The following TRIM9 variants were observed in gnomAD, a reference collection of about 807,000 sequenced individuals.
TRIM9 encodes the protein tripartite motif containing 9.
TRIM9 carries 26 observed loss-of-function variants against 78.3 expected under a neutral mutation model. That is an observed-to-expected ratio of 0.33 (90% CI 0.24 to 0.46). The LOEUF (loss-of-function observed/expected upper bound fraction) is 0.46. Among genes scored for constraint, TRIM9 ranks in the 20% least tolerant of loss-of-function variants. The pLI is 1.00. For missense variants in TRIM9, 787 were observed against 1,036.4 expected (o/e 0.76, Z 3.30); for synonymous variants, 398 against 416.5 (o/e 0.96, Z 0.54).
chr14:51,057,752 T>A lies in TRIM9; in HGVS notation c.823-32392A>T, dbSNP rs1431425045. ...TAATCTGAATGTATTCATCTTTCTC[T>A]AGTAATGTAGCCTATTGACTAGAAA... On this transcript the variant is annotated intron_variant, in intron 1 of 12. Coordinates refer to ENST00000684578, the MANE Select transcript of TRIM9 (RefSeq NM_001387360.1). Among the ~76,000 whole-genome samples, 3 of 152,226 alleles carry A rather than the reference T, an allele frequency of 2.0e-5. No homozygotes were observed. In the East Asian group the frequency reaches 5.8e-4, roughly 29 times the overall value.
intron 1 of TRIM9, chr14:51,090,064 A>ATC (rs1442580435): frequency 6.6e-6 from 1 of 152,242 alleles, no homozygotes; most frequent in Non-Finnish European, 1.5e-5. Flanking sequence ...TATAACCTGG[A>ATC]TCTCCTGTTA....
At chr14:51,040,300 C>T (rs1172091095) in intron 1 of TRIM9, among the ~76,000 whole-genome samples, 2 of 152,128 alleles carry the variant, frequency 1.3e-5, no homozygotes, top group Admixed American at 6.5e-5. Context: ...GCTGGTGCCC[C>T]TCACTCAGAG....
intron 8 of TRIM9, 150 bp downstream of exon 8, chr14:50,985,806 C>G: frequency 1.5e-6 from 1 of 651,274 alleles, no homozygotes; most frequent in East Asian, 3.3e-5. Context: ...GCTCCACCAT[C>G]CCGATGCTCC....
chr14:51,060,492 A>C (rs2061258308), intron 1 of TRIM9, among the ~76,000 whole-genome samples: 1 of 151,870 alleles, frequency 6.6e-6, no homozygotes, highest in African/African-American at 2.4e-5. Context: ...TCTGAGACAG[A>C]ATCTTGCTCT....
At chr14:50,979,613 T>C (rs61985021) in intron 11 of TRIM9, 64 bp from the exon 12 acceptor site, 1 of 1,403,046 alleles carries the variant, frequency 7.1e-7, no homozygotes, top group South Asian at 1.2e-5. Flanking sequence ...TCCCCCCTTT[T>C]GTGTGGTGAA....
intron 5 of TRIM9, among the ~76,000 whole-genome samples, chr14:51,008,544 C>T (rs1420602182): frequency 6.6e-6 from 1 of 152,120 alleles, no homozygotes; most frequent in Non-Finnish European, 1.5e-5. Flanking sequence ...TCAAAGAGAC[C>T]TTGCCATATC....
intron 5 of TRIM9, among the ~76,000 whole-genome samples, chr14:51,004,348 A>G (rs2055480505): frequency 6.6e-6 from 1 of 152,224 alleles, no homozygotes; most frequent in Non-Finnish European, 1.5e-5. Context: ...TAAATTTTCC[A>G]GTAGCAGCTT....
intron 7 of TRIM9, among the ~76,000 whole-genome samples, chr14:50,986,941 A>G (rs1285770935): frequency 1.3e-5 from 2 of 152,236 alleles, no homozygotes; most frequent in Non-Finnish European, 2.9e-5. Flanking sequence ...CTTAACAATT[A>G]TTTGATCTGG....
intron 1 of TRIM9, among the ~76,000 whole-genome samples, chr14:51,039,809 C>T (rs1015134630): frequency 7.9e-5 from 12 of 151,654 alleles, no homozygotes; most frequent in Admixed American, 3.9e-4. Context: ...TGCAGTGGCG[C>T]GATCTCAGCT....
intron 1 of TRIM9, among the ~76,000 whole-genome samples, chr14:51,071,313 T>C (rs1317754330): frequency 6.9e-6 from 1 of 144,026 alleles, no homozygotes; most frequent in Non-Finnish European, 1.5e-5. Flanking sequence ...GAGGTGGAGG[T>C]TGTGCTGAGC....
At chr14:51,077,289 T>G (rs571089354) in intron 1 of TRIM9, among the ~76,000 whole-genome samples, 1 of 151,526 alleles carries the variant, frequency 6.6e-6, no homozygotes, top group South Asian at 2.1e-4. Context: ...ACAGTATAGG[T>G]GACACAGTGG....
intron 1 of TRIM9, among the ~76,000 whole-genome samples, chr14:51,077,129 T>G (rs891482407): frequency 2.6e-5 from 4 of 152,216 alleles, no homozygotes; most frequent in Non-Finnish European, 4.4e-5. Context: ...TTGTGCATCT[T>G]GGGTTCTCCT....
chr14:51,026,697 C>T (rs2058260578), intron 1 of TRIM9, among the ~76,000 whole-genome samples: 1 of 152,154 alleles, frequency 6.6e-6, no homozygotes, highest in African/African-American at 2.4e-5. Context: ...CACTGACTCT[C>T]TAAAAATATG....
chr14:50,996,560 G>A, intron 7 of TRIM9: 4 of 985,408 alleles, frequency 4.1e-6, no homozygotes, highest in Non-Finnish European at 2.4e-6. Context: ...TCTCTGCTCT[G>A]CAGGCATGCA....
chr14:50,979,342 C>T (rs368392804), intron 12 of TRIM9, 45 bp downstream of exon 12: 99 of 1,614,000 alleles, frequency 6.1e-5, no homozygotes, highest in Admixed American at 1.5e-4. Flanking sequence ...GCCTTTGAAC[C>T]GGTAGCCAGC....
intron 1 of TRIM9, among the ~76,000 whole-genome samples, chr14:51,044,548 G>A (rs890469804): frequency 2.0e-5 from 3 of 152,140 alleles, no homozygotes; most frequent in Non-Finnish European, 2.9e-5. Context: ...TCTGAGTCAT[G>A]GCCTTAACGA....
At chr14:50,977,571 A>G (rs1363938649) in intron 12 of TRIM9, among the ~76,000 whole-genome samples, 1 of 152,162 alleles carries the variant, frequency 6.6e-6, no homozygotes, top group Non-Finnish European at 1.5e-5. Flanking sequence ...ATTTGATTAT[A>G]TGGTTCTTAG....
At chr14:50,990,993 T>C (rs1262863892) in intron 7 of TRIM9, among the ~76,000 whole-genome samples, 2 of 152,190 alleles carry the variant, frequency 1.3e-5, no homozygotes, top group South Asian at 2.1e-4. Flanking sequence ...ATTTTAAGCT[T>C]TGTTAAGTGT....
Position 51,025,324 on chromosome 14 carries a change from T to A in TRIM9, c.859A>T (p.Arg287Trp). ...AGAAACTCCTTGGCTTCTTTGGCCC[T>A]GTCTGACAGTCCGTTCAGCGCCTGG... ...LSQALNGLSD[R>W]AKEAKEFLVQ... Residue 287 changes from arginine (R) to tryptophan (W), a missense_variant, in exon 2 of 13, where the codon AGG becomes TGG. Around this residue, in one of 3 missense-constraint regions of TRIM9, gnomAD observed 352 missense variants for 472.3 expected, o/e 0.75. Transcript: ENST00000684578. 1 of 1,614,238 alleles carries A rather than the reference T, an allele frequency of 6.2e-7. No individual in the cohort carries two copies. The highest frequency in any genetic ancestry group is 8.5e-7 in the Non-Finnish European group (1 of 1,180,038).
Sources: allele counts gnomAD v4.1 joint callset (sites outside exome capture counted in the v4.1 genomes callset), GRCh38; gene constraint gnomAD v4.1.1; regional missense constraint gnomAD v4.1.1; transcripts MANE v1.5; gene names NCBI Gene and HGNC (gene_info 2026-07-23, HGNC 2026-07-21).